The following FAM234B variants were observed in gnomAD, a reference collection of about 807,000 sequenced individuals.
The protein encoded by FAM234B is protein FAM234B.
A neutral mutation model predicts 69.3 loss-of-function variants in FAM234B; 33 were observed. That is an observed-to-expected ratio of 0.48 (90% CI 0.36 to 0.64). The LOEUF is 0.64. FAM234B is among the 30% of genes least tolerant of loss of function. The pLI, the probability that FAM234B is intolerant of heterozygous loss-of-function variation, is 0.00. For missense variants in FAM234B, 697 were observed against 769.7 expected (o/e 0.91, Z 1.12); for synonymous variants, 306 against 306.9 (o/e 1.00, Z 0.03).
intron 6 of FAM234B, 94 bp downstream of exon 6, chr12:13,066,881 A>G: frequency 7.2e-7 from 1 of 1,390,608 alleles, no homozygotes; most frequent in Non-Finnish European, 9.9e-7. Flanking sequence ...GGAACTCCTG[A>G]CACCAGCCTT....
chr12:13,073,285 G>A lies in FAM234B; in HGVS notation c.1524+1889G>A, dbSNP rs201734754. ...GCTGGGATTACAGGCATGAGCCACC[G>A]CACCCAGCCAATGTTATCATTCTTT... On this transcript the variant is annotated intron_variant, in intron 10 of 12. Transcript: ENST00000197268. 5.9e-5 allele frequency among the ~76,000 whole-genome samples: 9 copies of A among 151,846 alleles called. No individual in the cohort carries two copies. The East Asian group carries it at 1.4e-3, about 23-fold the overall frequency.
intron 5 of FAM234B, among the ~76,000 whole-genome samples, chr12:13,063,848 G>T (rs1865009518): frequency 6.6e-6 from 1 of 152,174 alleles, no homozygotes; most frequent in Admixed American, 6.5e-5. Flanking sequence ...CAAACAATCG[G>T]CAAAGAATGT....
chr12:13,061,176 C>T (rs147087135), intron 3 of FAM234B, among the ~76,000 whole-genome samples: 1 of 152,284 alleles, frequency 6.6e-6, no homozygotes, highest in Non-Finnish European at 1.5e-5. Flanking sequence ...TACTTTTTCG[C>T]ATTCTTGATT....
At chr12:13,066,108 A>G (rs1865033425) in intron 5 of FAM234B, among the ~76,000 whole-genome samples, 1 of 152,232 alleles carries the variant, frequency 6.6e-6, no homozygotes. Flanking sequence ...AGAGTAGAAT[A>G]GTTGCTACAG....
Position 13,082,339 on chromosome 12 carries a change from G to C in FAM234B, c.*1709G>C, listed in dbSNP as rs1454517675. The C allele has an allele frequency of 6.6e-6, 1 of 152,130 alleles. No homozygotes were observed. The highest frequency in any genetic ancestry group is 1.5e-5 in the Non-Finnish European group (1 of 68,020). The allele number at this position is 152,130 out of a possible 1,614,324, so 9.4% of individuals were successfully genotyped here. A position where few individuals can be genotyped will look rare whatever the true frequency, so the allele number is the denominator to read the frequency against. On this transcript the variant is annotated 3_prime_UTR_variant, in exon 13 of 13. Transcript: ENST00000197268. ...GAAGTCCAGATTCAAAGGGATCTCT[G>C]TTAATTACCCACTGACAGGCATTAT...
chr12:13,067,442 G>A lies in FAM234B; in HGVS notation c.1142+146G>A, dbSNP rs1865052816. 1.6e-5 allele frequency: 14 copies of A among 852,478 alleles called. No individual in the cohort carries two copies. Among genetic ancestry groups the A allele is most frequent in the Non-Finnish European group, 2.4e-5 (13 of 551,916 alleles). 52.8% of individuals were successfully genotyped at this position (852,478 alleles called of 1,614,324 possible). ...ATCTTAATTTACCATCTTCTGATCT[G>A]GTTAACATGAGTTAGAAATTTTCTT... On this transcript the variant is annotated intron_variant, in intron 7 of 12. Coordinates refer to ENST00000197268, the MANE Select transcript of FAM234B (RefSeq NM_020853.2). The surrounding 1 kb of genome is among the most constrained non-coding windows in gnomAD (Gnocchi z 4.7).
intron 5 of FAM234B, among the ~76,000 whole-genome samples, chr12:13,063,363 A>G (rs1865005101): frequency 6.6e-6 from 1 of 152,222 alleles, no homozygotes; most frequent in African/African-American, 2.4e-5. Flanking sequence ...ACATATTTAA[A>G]GTGCCTAGAG....
At chr12:13,074,317 A>G (rs1337062867) in intron 10 of FAM234B, among the ~76,000 whole-genome samples, 1 of 152,252 alleles carries the variant, frequency 6.6e-6, no homozygotes, top group Admixed American at 6.5e-5. Context: ...GAAAAGAGCC[A>G]TGTTACAAAT....
chr12:13,048,832 C>T (rs570201685), intron 1 of FAM234B, among the ~76,000 whole-genome samples: 1 of 152,322 alleles, frequency 6.6e-6, no homozygotes, highest in South Asian at 2.1e-4. Context: ...AGGGAGGCCT[C>T]ACAATCATGG....
At chr12:13,056,965 C>A (rs1864936821) in intron 2 of FAM234B, among the ~76,000 whole-genome samples, 1 of 145,938 alleles carries the variant, frequency 6.9e-6, no homozygotes, top group African/African-American at 2.5e-5. Flanking sequence ...ATCATGCAGT[C>A]TTCTGTGAAC....
intron 3 of FAM234B, among the ~76,000 whole-genome samples, chr12:13,060,749 G>A (rs1266874549): frequency 6.6e-6 from 1 of 152,216 alleles, no homozygotes; most frequent in African/African-American, 2.4e-5. Context: ...AGTGGGAACT[G>A]TATGAAATGA....
chr12:13,078,725 G>C (rs926168073), intron 11 of FAM234B, among the ~76,000 whole-genome samples: 2 of 152,018 alleles, frequency 1.3e-5, no homozygotes, highest in Admixed American at 1.3e-4. Flanking sequence ...AAAAATCACA[G>C]GCATTCTTAT....
chr12:13,074,879 T>G (rs1865143498), intron 10 of FAM234B, among the ~76,000 whole-genome samples: 1 of 152,144 alleles, frequency 6.6e-6, no homozygotes, highest in Admixed American at 6.5e-5. Context: ...AGGGGTAATA[T>G]TCATCCCTCA....
chr12:13,077,197 C>CA (rs1829963349), intron 11 of FAM234B, among the ~76,000 whole-genome samples: 1 of 152,054 alleles, frequency 6.6e-6, no homozygotes, highest in Non-Finnish European at 1.5e-5. Flanking sequence ...CAGTGAACAT[C>CA]AAATAATGGT....
chr12:13,063,918 A>G (rs960535953), intron 5 of FAM234B, among the ~76,000 whole-genome samples: 3 of 152,218 alleles, frequency 2.0e-5, no homozygotes, highest in East Asian at 1.9e-4. Flanking sequence ...TTTAATTTTA[A>G]TAGACCTTGT....
intron 1 of FAM234B, among the ~76,000 whole-genome samples, chr12:13,053,145 T>C (rs1864893033): frequency 6.6e-6 from 1 of 152,218 alleles, no homozygotes; most frequent in South Asian, 2.1e-4. Context: ...AAGTCTAATA[T>C]TTATTGGGCA....
In FAM234B at chr12:13,044,460, C is replaced by T. The variant is rs1412094973; in HGVS notation, c.37+20C>T. The T allele has an allele frequency of 1.3e-6, 2 of 1,550,384 alleles. No homozygotes were observed. The highest frequency in any genetic ancestry group is 1.4e-5 in the African/African-American group (1 of 73,162). Reference sequence around the variant, plus strand: ...TGCCGGGTAAGGAGTCGCATGCTTGCGACCACCCAGTCCCCGCCGGTGTTG... The same window carrying T: ...TGCCGGGTAAGGAGTCGCATGCTTGTGACCACCCAGTCCCCGCCGGTGTTG... On this transcript the variant is annotated intron_variant, in intron 1 of 12. Coordinates refer to ENST00000197268, the MANE Select transcript of FAM234B (RefSeq NM_020853.2). The surrounding 1 kb of genome is among the most constrained non-coding windows in gnomAD (Gnocchi z 5.6).
At position 13,081,689 on chromosome 12, in the gene FAM234B, A is replaced by C. The variant is rs1865229137; in HGVS notation, c.*1059A>C. ...TCTCTTCTTTCCTGTAGAGCCTTTG[A>C]AGCATTGTATTTTGGGAAAATTCTT... On this transcript the variant is annotated 3_prime_UTR_variant, in exon 13 of 13. Coordinates refer to ENST00000197268, the MANE Select transcript of FAM234B (RefSeq NM_020853.2). The C allele has an allele frequency of 6.6e-6, 1 of 152,168 alleles. No individual in the cohort carries two copies. The highest frequency in any genetic ancestry group is 2.1e-4 in the South Asian group (1 of 4,832). The allele number at this position is 152,168 out of a possible 1,614,324, so 9.4% of individuals were successfully genotyped here.
intron 5 of FAM234B, 53 bp downstream of exon 5, chr12:13,063,028 A>G: frequency 6.3e-7 from 1 of 1,582,840 alleles, no homozygotes; most frequent in Non-Finnish European, 8.7e-7. Context: ...CTTCTATTTT[A>G]GTTGTCTCAG....
Sources: allele counts gnomAD v4.1 joint callset (sites outside exome capture counted in the v4.1 genomes callset), GRCh38; gene constraint gnomAD v4.1.1; non-coding constraint Gnocchi (gnomAD v3.1); transcripts MANE v1.5; gene names NCBI Gene and HGNC (gene_info 2026-07-23, HGNC 2026-07-21).